Variants in INTS7 observed in about 807,000 individuals in gnomAD.
The protein encoded by INTS7 is integrator complex subunit 7, also known as chromosome 1 open reading frame 73.
INTS7 carries 46 observed loss-of-function variants against 109.2 expected under a neutral mutation model. The observed-to-expected ratio is 0.42, with a 90% CI of 0.33 to 0.54. The LOEUF (loss-of-function observed/expected upper bound fraction) is 0.54, where lower values mean the gene tolerates loss of function less well. INTS7 is among the 20% of genes least tolerant of loss of function. INTS7 has a pLI of 0.07. For missense variants in INTS7, 929 were observed against 1,132.4 expected (o/e 0.82, Z 2.58); for synonymous variants, 412 against 402.9 (o/e 1.02, Z -0.27).
chr1:211,969,272 G>A (rs1664054542), intron 13 of INTS7, among the ~76,000 whole-genome samples: 2 of 149,930 alleles, frequency 1.3e-5, no homozygotes, highest in African/African-American at 4.9e-5. Flanking sequence ...GCGATAGAAC[G>A]AGACTGTCTC....
At chr1:212,023,216 G>A (rs1359081917) in intron 1 of INTS7, among the ~76,000 whole-genome samples, 1 of 152,160 alleles carries the variant, frequency 6.6e-6, no homozygotes, top group South Asian at 2.1e-4. Flanking sequence ...ATAAACATAT[G>A]AGTACATGTG....
intron 7 of INTS7, among the ~76,000 whole-genome samples, chr1:212,005,706 A>G (rs1408161614): frequency 6.6e-6 from 1 of 152,206 alleles, no homozygotes; most frequent in Non-Finnish European, 1.5e-5. Context: ...AGAAAAAGCA[A>G]TAAGACTAGG....
chr1:212,014,911 C>T (rs1666340904), intron 4 of INTS7, among the ~76,000 whole-genome samples: 1 of 152,218 alleles, frequency 6.6e-6, no homozygotes, highest in Non-Finnish European at 1.5e-5. Flanking sequence ...ACCTCCCAGC[C>T]GCCTGCCTTG....
intron 5 of INTS7, among the ~76,000 whole-genome samples, chr1:212,011,006 A>G (rs531808951): frequency 1.1e-3 from 170 of 152,218 alleles, no homozygotes; most frequent in African/African-American, 3.9e-3. Context: ...TATATACAAA[A>G]AAGTCCCTTC....
intron 3 of INTS7, among the ~76,000 whole-genome samples, chr1:212,019,583 A>G (rs1266969454): frequency 1.3e-5 from 2 of 152,214 alleles, no homozygotes; most frequent in African/African-American, 4.8e-5. Context: ...GGCAGAGCTA[A>G]AAAGAGAATA....
chr1:212,026,017 C>T (rs146604094), intron 1 of INTS7, among the ~76,000 whole-genome samples: 36 of 152,184 alleles, frequency 2.4e-4, no homozygotes, highest in African/African-American at 8.4e-4. Flanking sequence ...AGCGTGATGG[C>T]AGGCACCTGT....
chr1:212,020,085 A>G, intron 3 of INTS7, 37 bp downstream of exon 3: 1 of 1,368,858 alleles, frequency 7.3e-7, no homozygotes, highest in Non-Finnish European at 9.8e-7. Flanking sequence ...TACAGTTCAA[A>G]TAATCTCATA....
At chr1:212,020,554 A>C (rs1422689211) in intron 2 of INTS7, among the ~76,000 whole-genome samples, 1 of 152,144 alleles carries the variant, frequency 6.6e-6, no homozygotes, top group Non-Finnish European at 1.5e-5. Context: ...CAAGGCCAGG[A>C]AATCAGACGG....
chr1:211,994,582 C>T (rs1018752527), intron 7 of INTS7, among the ~76,000 whole-genome samples: 4 of 151,750 alleles, frequency 2.6e-5, no homozygotes, highest in East Asian at 1.9e-4. Flanking sequence ...TACCACCACA[C>T]CCAGTTACTT....
intron 13 of INTS7, among the ~76,000 whole-genome samples, chr1:211,970,952 G>T (rs1464753225): frequency 6.6e-6 from 1 of 152,176 alleles, no homozygotes; most frequent in Non-Finnish European, 1.5e-5. Flanking sequence ...AGCATTGCAG[G>T]AGATTAGGTA....
At chr1:211,957,092 C>T (rs2358385) in intron 16 of INTS7, among the ~76,000 whole-genome samples, 5,598 of 152,294 alleles carry the variant, frequency 0.037, 156 homozygotes, top group African/African-American at 0.082. Context: ...ACATTGGACA[C>T]TGAAGGTCTT....
chr1:211,989,841 T>A (rs1665071685), intron 7 of INTS7, among the ~76,000 whole-genome samples: 1 of 151,658 alleles, frequency 6.6e-6, no homozygotes, highest in South Asian at 2.1e-4. Context: ...AAAAAAAAGT[T>A]CTTACTAATA....
chr1:212,011,628 A>T (rs1280382685), intron 4 of INTS7: 4 of 549,702 alleles, frequency 7.3e-6, no homozygotes, highest in African/African-American at 1.9e-5. Flanking sequence ...CTATGCCAAC[A>T]CTGCTCTAAA....
chr1:211,963,193 C>T (rs1404294973), intron 16 of INTS7, among the ~76,000 whole-genome samples: 2 of 151,868 alleles, frequency 1.3e-5, no homozygotes, highest in African/African-American at 4.8e-5. Context: ...ATCACTGACA[C>T]CACAGAAATA....
chr1:211,992,428 G>C (rs1310007273), intron 7 of INTS7, among the ~76,000 whole-genome samples: 2 of 152,122 alleles, frequency 1.3e-5, no homozygotes, highest in East Asian at 1.9e-4. Flanking sequence ...TTCTGTTTCT[G>C]TCATCTAGCA....
chr1:212,014,465 C>CAAAAA (rs1165612101), intron 4 of INTS7, among the ~76,000 whole-genome samples: 10 of 28,106 alleles, frequency 3.6e-4, no homozygotes, highest in Admixed American at 1.0e-3. Context: ...AACTCCATCT[C>CAAAAA]AAAAAAAAAA....
chr1:211,968,717 A>G lies in INTS7; in HGVS notation c.1816-10T>C, dbSNP rs1189651209. ...GTGGTGTACTAGCTGCCTGGGAAAA[A>G]AAAAAAAAAGAGATATTTAAGACAA... On this transcript the variant is annotated splice_polypyrimidine_tract_variant and intron_variant, in intron 13 of 19. Coordinates refer to ENST00000366994, the MANE Select transcript of INTS7 (RefSeq NM_015434.4). The G allele has an allele frequency of 1.3e-6, 2 of 1,587,236 alleles. No individual in the cohort carries two copies. Among genetic ancestry groups the G allele is most frequent in the Non-Finnish European group, 8.6e-7 (1 of 1,168,286 alleles).
chr1:212,022,478 G>C (rs1666750498), intron 1 of INTS7, among the ~76,000 whole-genome samples: 1 of 152,074 alleles, frequency 6.6e-6, no homozygotes, highest in Admixed American at 6.6e-5. Context: ...AAATGGACAA[G>C]AATTGAAGAG....
intron 16 of INTS7, among the ~76,000 whole-genome samples, chr1:211,953,406 T>C (rs1031937541): frequency 2.0e-5 from 3 of 152,002 alleles, no homozygotes; most frequent in Non-Finnish European, 2.9e-5. Context: ...TTTTTAATTT[T>C]ATTATCATTA....
Sources: gnomAD v4.1 joint callset for allele counts (sites outside exome capture counted in the v4.1 genomes callset) on GRCh38, gnomAD v4.1.1 for gene constraint, MANE v1.5 for transcripts, NCBI Gene and HGNC (gene_info 2026-07-23, HGNC 2026-07-21) for gene names.